The following SHTN1 variants were observed in gnomAD, a reference collection of about 807,000 sequenced individuals.
SHTN1 encodes shootin-1.
SHTN1 carries 42 observed loss-of-function variants against 83.1 expected under a neutral mutation model. The ratio of observed to expected loss-of-function variants is 0.51; its 90% CI spans 0.39 to 0.65. The LOEUF is 0.65. Ranked by LOEUF, SHTN1 falls within the 30% of genes least tolerant of loss-of-function variation. The probability of loss-of-function intolerance (pLI) is 0.00; values close to 1 mark genes in which losing one functional copy is unlikely to be tolerated. For missense variants in SHTN1, 622 were observed against 737.8 expected, an observed-to-expected ratio of 0.84 and a Z score of 1.82; for synonymous variants, 224 against 247.7, an observed-to-expected ratio of 0.90 and a Z score of 0.90.
At chr10:117,090,469 C>G (rs1853413397) in intron 1 of SHTN1, among the ~76,000 whole-genome samples, 1 of 152,114 alleles carries the variant, frequency 6.6e-6, no homozygotes, top group Admixed American at 6.6e-5. Context: ...TGAAGAAGTT[C>G]TGGAGATTAG....
intron 2 of SHTN1, among the ~76,000 whole-genome samples, chr10:116,976,371 G>A (rs961783633): frequency 6.6e-6 from 1 of 152,150 alleles, no homozygotes; most frequent in Non-Finnish European, 1.5e-5. Flanking sequence ...CCATTGATAA[G>A]GTTCATGACC....
In SHTN1 at chr10:116,881,625, C is replaced by CAAGGT; in HGVS notation, c.*4714_*4718dup. ...GCCGCTGGTGCCCACCTTCCCCACA[C>CAAGGT]AAGGTGTAGAGGAATCAGCCGAAAC... On this transcript the variant is annotated 3_prime_UTR_variant, in exon 17 of 17. Coordinates refer to ENST00000355371, the MANE Select transcript of SHTN1 (RefSeq NM_001127211.3). The CAAGGT allele has an allele frequency of 6.4e-7, 1 of 1,550,430 alleles. No individual in the cohort carries two copies. The highest frequency in any genetic ancestry group is 8.7e-7 in the Non-Finnish European group (1 of 1,146,930).
chr10:117,021,029 T>C (rs1852256613), intron 2 of SHTN1, among the ~76,000 whole-genome samples: 1 of 151,542 alleles, frequency 6.6e-6, no homozygotes, highest in Admixed American at 6.6e-5. Flanking sequence ...AAATGGCCAA[T>C]ATGCATTGAA....
intron 14 of SHTN1, 103 bp downstream of exon 14, chr10:116,911,687 A>G: frequency 6.3e-7 from 1 of 1,580,888 alleles, no homozygotes; most frequent in Non-Finnish European, 8.7e-7. Context: ...CTAATTGTAA[A>G]TGGGAATAAA....
At chr10:116,946,891 T>G (rs1391742007) in intron 7 of SHTN1, among the ~76,000 whole-genome samples, 1 of 151,744 alleles carries the variant, frequency 6.6e-6, no homozygotes, top group African/African-American at 2.4e-5. Flanking sequence ...CTGGCTAATT[T>G]TTGTATTTCA....
chr10:117,096,168 G>A (rs1483231402), intron 1 of SHTN1, among the ~76,000 whole-genome samples: 4 of 151,428 alleles, frequency 2.6e-5, no homozygotes, highest in Non-Finnish European at 5.9e-5. Flanking sequence ...AAAATTAAAC[G>A]GTCAAAAAAA....
At chr10:116,890,769 G>GA (rs1320427061) in intron 16 of SHTN1, among the ~76,000 whole-genome samples, 4 of 152,220 alleles carry the variant, frequency 2.6e-5, no homozygotes, top group Non-Finnish European at 5.9e-5. Flanking sequence ...CTAGTAAAAG[G>GA]AAAGACCTGA....
chr10:117,007,554 C>CAAA (rs35941784), upstream of SHTN1, among the ~76,000 whole-genome samples: 6 of 16,360 alleles, frequency 3.7e-4, no homozygotes, highest in South Asian at 2.8e-3. Flanking sequence ...GACTCCATCT[C>CAAA]AAAAAAAAAA....
At chr10:116,992,541 T>C (rs1431995124) in intron 1 of SHTN1, among the ~76,000 whole-genome samples, 1 of 152,216 alleles carries the variant, frequency 6.6e-6, no homozygotes, top group South Asian at 2.1e-4. Flanking sequence ...CTAATTACCC[T>C]AGGCCTCTAG....
chr10:117,115,309 C>A (rs1853830784), intron 1 of SHTN1, among the ~76,000 whole-genome samples: 1 of 151,860 alleles, frequency 6.6e-6, no homozygotes, highest in East Asian at 1.9e-4. Flanking sequence ...ACCTGCCTTG[C>A]AATACTGTTG....
rs117810003 is a variant in SHTN1, at chr10:117,064,737, T to C, written c.-188-16227A>G. Among the ~76,000 whole-genome samples, 70 of 151,918 alleles carry C rather than the reference T, an allele frequency of 4.6e-4. No individual in the cohort carries two copies. In the East Asian group the frequency reaches 0.013, roughly 29 times the overall value. On this transcript the variant is annotated intron_variant, in intron 1 of 17. Coordinates refer to the SHTN1 transcript ENST00000392901. Reference sequence around the variant, plus strand: ...GTCCCACCCTCAACAACGATCACCATTATTGCCCAAAGTCCCACACAACTG... The same window carrying C: ...GTCCCACCCTCAACAACGATCACCACTATTGCCCAAAGTCCCACACAACTG...
chr10:117,088,682 G>A (rs944395535), intron 1 of SHTN1, among the ~76,000 whole-genome samples: 1 of 152,170 alleles, frequency 6.6e-6, no homozygotes, highest in African/African-American at 2.4e-5. Context: ...ATACAGGTGT[G>A]AGGGGGCAGC....
intron 2 of SHTN1, among the ~76,000 whole-genome samples, chr10:117,033,939 C>T (rs994107799): frequency 1.3e-5 from 2 of 152,172 alleles, no homozygotes; most frequent in African/African-American, 4.8e-5. Context: ...ACGATCATTT[C>T]AATTGATGCT....
upstream of SHTN1, among the ~76,000 whole-genome samples, chr10:117,010,460 A>T (rs998759072): frequency 6.6e-6 from 1 of 152,186 alleles, no homozygotes; most frequent in Non-Finnish European, 1.5e-5. Flanking sequence ...AATGAAAATA[A>T]GTTCAGGCCC....
chr10:116,927,748 G>A lies in SHTN1; in HGVS notation c.1112+44C>T, dbSNP rs377035495. ...ACTCCTCTTATGGCACAATCTGATG[G>A]AGAAGAACATTTGATGCAGAGCAGT... On this transcript the variant is annotated intron_variant, in intron 11 of 16. Coordinates refer to ENST00000355371, the MANE Select transcript of SHTN1 (RefSeq NM_001127211.3). 6.8e-6 allele frequency: 10 copies of A among 1,464,142 alleles called. No homozygotes were observed. In the African/African-American group the frequency reaches 1.5e-4, roughly 21 times the overall value. The allele number at this position is 1,464,142 out of a possible 1,614,324, so 90.7% of individuals were successfully genotyped here.
chr10:116,906,895 T>C (rs150216965), intron 14 of SHTN1, 148 bp from the exon 15 acceptor site: 2 of 640,982 alleles, frequency 3.1e-6, no homozygotes, highest in Admixed American at 3.6e-5. Context: ...ATTTTTTAAA[T>C]GTGCACATTT....
intron 14 of SHTN1, among the ~76,000 whole-genome samples, chr10:116,909,894 C>A (rs997474781): frequency 2.0e-5 from 3 of 152,092 alleles, no homozygotes; most frequent in Non-Finnish European, 4.4e-5. Flanking sequence ...TCTTGATAAC[C>A]CCTGGTACCA....
intron 1 of SHTN1, among the ~76,000 whole-genome samples, chr10:116,998,440 C>T (rs1851708731): frequency 6.6e-6 from 1 of 151,978 alleles, no homozygotes; most frequent in Admixed American, 6.6e-5. Flanking sequence ...AGAGAGAGAC[C>T]ACATTCACAT....
At chr10:117,013,803 A>AC (rs1852141095) in intron 2 of SHTN1, among the ~76,000 whole-genome samples, 1 of 152,194 alleles carries the variant, frequency 6.6e-6, no homozygotes, top group African/African-American at 2.4e-5. Flanking sequence ...TCACAGAAAA[A>AC]CCCATATACA....
Sources: allele counts gnomAD v4.1 joint callset (sites outside exome capture counted in the v4.1 genomes callset), GRCh38; gene constraint gnomAD v4.1.1; transcripts MANE v1.5; gene names NCBI Gene and HGNC (gene_info 2026-07-23, HGNC 2026-07-21).